The following PIAS2 variants were observed in gnomAD, a reference collection of about 807,000 sequenced individuals.
PIAS2 encodes protein inhibitor of activated STAT 2.
PIAS2 carries 19 observed loss-of-function variants against 69.7 expected under a neutral mutation model. The ratio of observed to expected loss-of-function variants is 0.27; its 90% confidence interval spans 0.19 to 0.40. PIAS2 has a LOEUF of 0.40. Ranked by LOEUF, PIAS2 falls within the 10% of genes least tolerant of loss-of-function variation. The probability of loss-of-function intolerance (pLI) is 1.00; values close to 1 mark genes in which losing one functional copy is unlikely to be tolerated. For missense variants in PIAS2, 624 were observed against 757.0 expected (o/e 0.82, Z 2.06); for synonymous variants, 261 against 263.2 (o/e 0.99, Z 0.08).
intron 9 of PIAS2, 34 bp downstream of exon 9, chr18:46,836,323 A>T (rs111664318): frequency 4.5e-6 from 7 of 1,546,722 alleles, no homozygotes; most frequent in African/African-American, 2.7e-5. Context: ...CTGTTGTATT[A>T]GTCCATATCA....
intron 2 of PIAS2, among the ~76,000 whole-genome samples, chr18:46,877,336 T>C (rs2051378494): frequency 6.6e-6 from 1 of 152,234 alleles, no homozygotes; most frequent in South Asian, 2.1e-4. Flanking sequence ...AGGTTTAATT[T>C]GTAACTTCCT....
At chr18:46,876,219 G>A (rs2051160675) in intron 2 of PIAS2, among the ~76,000 whole-genome samples, 1 of 152,168 alleles carries the variant, frequency 6.6e-6, no homozygotes, top group African/African-American at 2.4e-5. Context: ...AACCAAAAAG[G>A]ATAAAGACAA....
intron 3 of PIAS2, among the ~76,000 whole-genome samples, chr18:46,861,199 A>T (rs1029322005): frequency 1.3e-5 from 2 of 152,190 alleles, no homozygotes; most frequent in Non-Finnish European, 2.9e-5. Flanking sequence ...AGATTGTGCC[A>T]CTGCACTCCA....
chr18:46,863,546 C>G (rs2048981164), intron 3 of PIAS2, among the ~76,000 whole-genome samples: 1 of 152,152 alleles, frequency 6.6e-6, no homozygotes, highest in African/African-American at 2.4e-5. Context: ...GATACTGCCA[C>G]CTCCCAAAGT....
intron 1 of PIAS2, among the ~76,000 whole-genome samples, chr18:46,913,633 A>G (rs1160678130): frequency 6.6e-6 from 1 of 152,062 alleles, no homozygotes; most frequent in Non-Finnish European, 1.5e-5. Context: ...GGGAAAGTAG[A>G]TTAACCAGGT....
chr18:46,820,786 T>C (rs1325469945), intron 12 of PIAS2, 147 bp downstream of exon 12: 1 of 602,598 alleles, frequency 1.7e-6, no homozygotes, highest in Admixed American at 3.3e-5. Flanking sequence ...ATGTGATGTA[T>C]AAAAACAGAT....
chr18:46,808,285 T>C lies in PIAS2; in HGVS notation c.*4148A>G, dbSNP rs1413729590. On this transcript the variant is annotated 3_prime_UTR_variant, in exon 14 of 14. Transcript: ENST00000585916. ...GTGATTTTTTCTGGTGACAGAATCA[T>C]AGGCAATTAATTGTTATACTTTTCT... The C allele has an allele frequency of 6.6e-6, 1 of 152,224 alleles. No individual in the cohort carries two copies. Among genetic ancestry groups the C allele is most frequent in the African/African-American group, 2.4e-5 (1 of 41,468 alleles). 9.4% of individuals were successfully genotyped at this position (152,224 alleles called of 1,614,324 possible).
intron 2 of PIAS2, among the ~76,000 whole-genome samples, chr18:46,865,080 T>C (rs1028084042): frequency 2.0e-5 from 3 of 152,180 alleles, no homozygotes; most frequent in African/African-American, 7.2e-5. Context: ...GTCACCCTTA[T>C]GTATATTATT....
chr18:46,826,913 T>G (rs542985650), intron 11 of PIAS2: 2 of 152,170 alleles, frequency 1.3e-5, no homozygotes, highest in Non-Finnish European at 2.9e-5. Context: ...ATAAAATGTC[T>G]AAACAGGCAT....
chr18:46,821,210 C>T, intron 11 of PIAS2, 138 bp from the exon 12 acceptor site: 1 of 717,178 alleles, frequency 1.4e-6, no homozygotes, highest in Non-Finnish European at 2.4e-6. Context: ...CTACACAGCA[C>T]TCCACTCTAC....
intron 2 of PIAS2, among the ~76,000 whole-genome samples, chr18:46,872,183 T>A (rs1160365971): frequency 6.6e-6 from 1 of 152,190 alleles, no homozygotes; most frequent in Admixed American, 6.5e-5. Flanking sequence ...TGCTGACTAG[T>A]GCAAGGCCCC....
Position 46,860,121 on chromosome 18 carries a change from C to T in PIAS2, c.584+4043G>A, listed in dbSNP as rs1432709464. 2.0e-5 allele frequency among the ~76,000 whole-genome samples: 3 copies of T among 152,190 alleles called. No homozygotes were observed. In the East Asian group the frequency reaches 5.8e-4, roughly 29 times the overall value. ...GGCAAAGGGGAGGGAGCTAGAAACACAGCTGTGGTTCTCAAGTTGGCTGCA... is the reference window on the plus strand; with the variant it reads ...GGCAAAGGGGAGGGAGCTAGAAACATAGCTGTGGTTCTCAAGTTGGCTGCA... On this transcript the variant is annotated intron_variant, in intron 3 of 13. Coordinates refer to ENST00000585916, the MANE Select transcript of PIAS2 (RefSeq NM_004671.5).
In PIAS2 at chr18:46,829,959, G is replaced by A. The variant is rs527995534; in HGVS notation, c.1203-92C>T. 4 of 1,144,180 alleles carry A rather than the reference G, an allele frequency of 3.5e-6. No individual in the cohort carries two copies. In the East Asian group the frequency reaches 9.5e-5, roughly 27 times the overall value. The allele number at this position is 1,144,180 out of a possible 1,614,324, so 70.9% of individuals were successfully genotyped here. On this transcript the variant is annotated intron_variant, in intron 9 of 13. Transcript: ENST00000585916. Reference sequence around the variant, plus strand: ...AATACACATTACCTTGAAAACATAAGTAATGTTAGCTGACCCCCTTTTCTT... The same window carrying A: ...AATACACATTACCTTGAAAACATAAATAATGTTAGCTGACCCCCTTTTCTT...
intron 1 of PIAS2, chr18:46,905,968 G>A (rs982101758): frequency 6.6e-6 from 1 of 151,850 alleles, no homozygotes; most frequent in Non-Finnish European, 1.5e-5. Flanking sequence ...TCCAAACTGA[G>A]TCCAGTGAAA....
At chr18:46,900,422 T>C (rs867850099) in intron 1 of PIAS2, among the ~76,000 whole-genome samples, 2 of 150,310 alleles carry the variant, frequency 1.3e-5, no homozygotes, top group South Asian at 4.2e-4. Context: ...TAATCCCAGC[T>C]ATTTGGGAGG....
At chr18:46,865,522 CAA>C (rs11321908) in intron 2 of PIAS2, among the ~76,000 whole-genome samples, 2,679 of 108,214 alleles carry the variant, frequency 0.025, 25 homozygotes, top group African/African-American at 0.038. Flanking sequence ...CGATAGTCTT[CAA>C]AAAAAAAAAA....
rs114702228 is a variant in PIAS2, at chr18:46,912,129, C to T, written c.24+5193G>A. Among the ~76,000 whole-genome samples, 1,172 of 151,812 alleles carry T rather than the reference C, an allele frequency of 7.7e-3. 14 individuals are homozygous for T. Among genetic ancestry groups the T allele is most frequent in the African/African-American group, 0.027 (1,122 of 41,432 alleles). On this transcript the variant is annotated intron_variant, in intron 1 of 13. Transcript: ENST00000585916. ...AAAGGCAAGGTTTGGCTTTTAAATC[C>T]CAAAAGGAAAGGGATCGGTGTTATA...
At chr18:46,831,372 GA>G (rs2043593075) in intron 9 of PIAS2, among the ~76,000 whole-genome samples, 1 of 152,040 alleles carries the variant, frequency 6.6e-6, no homozygotes, top group East Asian at 1.9e-4. Flanking sequence ...CAAATAAACA[GA>G]AAGATACATC....
At chr18:46,908,610 CG>C (rs2056902427) in intron 1 of PIAS2, among the ~76,000 whole-genome samples, 2 of 152,056 alleles carry the variant, frequency 1.3e-5, no homozygotes, top group African/African-American at 4.8e-5. Flanking sequence ...AAAATATCTT[CG>C]AGAACTCTGT....
Sources: gnomAD v4.1 joint callset for allele counts (sites outside exome capture counted in the v4.1 genomes callset) on GRCh38, gnomAD v4.1.1 for gene constraint, MANE v1.5 for transcripts, NCBI Gene and HGNC (gene_info 2026-07-23, HGNC 2026-07-21) for gene names.